The following AP3D1 variants were observed in gnomAD, a reference collection of about 807,000 sequenced individuals.
AP3D1 encodes AP-3 complex subunit delta-1.
In AP3D1, 51 loss-of-function variants were observed where a neutral mutation model predicts 147.6. The ratio of observed to expected loss-of-function variants is 0.35; its 90% confidence interval spans 0.28 to 0.44. The LOEUF (loss-of-function observed/expected upper bound fraction) is 0.44, where lower values mean the gene tolerates loss of function less well. AP3D1 is among the 20% of genes least tolerant of loss of function. The probability of loss-of-function intolerance (pLI) is 1.00; values close to 1 mark genes in which losing one functional copy is unlikely to be tolerated. For missense variants in AP3D1, 1,421 were observed against 1,624.2 expected, an observed-to-expected ratio of 0.87 and a Z score of 2.15; for synonymous variants, 760 against 663.0, an observed-to-expected ratio of 1.15 and a Z score of -2.25.
At position 2,110,716 on chromosome 19, in the gene AP3D1, G is replaced by A. The variant is rs1191868807; in HGVS notation, c.3166C>T (p.Leu1056=). ...VHDGVPVPFQ[L]PPGVSNEAQY... The stretch of plus-strand genomic sequence containing the variant: ...GTGGGGCAGGGCTCACCTGGGGGCA[G>A]CTGGAAAGGCACGGGGACGCCATCG... The change falls in exon 27 of 32, where the codon CTG becomes TTG. Residue 1056 remains leucine, a synonymous_variant. Transcript: ENST00000643116. The A allele has an allele frequency of 1.3e-6, 2 of 1,599,644 alleles. No individual in the cohort carries two copies. Among genetic ancestry groups the A allele is most frequent in the East Asian group, 4.5e-5 (2 of 44,156 alleles).
intron 1 of AP3D1, among the ~76,000 whole-genome samples, chr19:2,147,416 CTT>C (rs11285731): frequency 6.4e-4 from 78 of 122,688 alleles, no homozygotes; most frequent in Non-Finnish European, 8.7e-4. Context: ...CTTTTCCTTT[CTT>C]TTTTTTTTTT....
At chr19:2,111,978 C>A in intron 24 of AP3D1, 150 bp from the exon 25 acceptor site, 1 of 1,297,500 alleles carries the variant, frequency 7.7e-7, no homozygotes, top group South Asian at 1.4e-5. Context: ...TCAGGCCTAC[C>A]GGGACAAGCT....
intron 10 of AP3D1, among the ~76,000 whole-genome samples, chr19:2,123,609 C>T (rs575899550): frequency 4.6e-5 from 7 of 152,184 alleles, no homozygotes; most frequent in Admixed American, 3.3e-4. Context: ...CGCTCTCCCC[C>T]ACTCCTCAGT....
At chr19:2,136,896 A>C in intron 4 of AP3D1, 115 bp downstream of exon 4, 1 of 984,780 alleles carries the variant, frequency 1.0e-6, no homozygotes, top group Non-Finnish European at 1.5e-6. Flanking sequence ...CCCCGCTCGC[A>C]CTCAAGGGGG....
At chr19:2,135,947 G>A (rs916901504) in intron 4 of AP3D1, among the ~76,000 whole-genome samples, 1 of 148,184 alleles carries the variant, frequency 6.7e-6, no homozygotes, top group African/African-American at 2.5e-5. Context: ...CCAGACTCCC[G>A]CCCAGGCCCC....
At chr19:2,132,288 A>G (rs963805365) in intron 5 of AP3D1, among the ~76,000 whole-genome samples, 183 bp downstream of exon 5, 2 of 152,208 alleles carry the variant, frequency 1.3e-5, no homozygotes, top group East Asian at 3.8e-4. Flanking sequence ...TAAGACACGC[A>G]GGAACCAAAG....
intron 3 of AP3D1, 112 bp from the exon 4 acceptor site, chr19:2,137,203 T>G (rs981851234): frequency 2.2e-6 from 2 of 918,934 alleles, no homozygotes; most frequent in African/African-American, 3.3e-5. Flanking sequence ...AGCAACACCC[T>G]GCAGCCTGGA....
chr19:2,122,871 A>G (rs1241041468), intron 11 of AP3D1, among the ~76,000 whole-genome samples: 5 of 152,204 alleles, frequency 3.3e-5, no homozygotes, highest in Non-Finnish European at 7.3e-5. Flanking sequence ...CCCAGGTACA[A>G]GGTACCAGGC....
intron 9 of AP3D1, among the ~76,000 whole-genome samples, chr19:2,125,645 G>A (rs72983442): frequency 0.019 from 2,935 of 152,168 alleles, 53 homozygotes; most frequent in Non-Finnish European, 0.028. Context: ...TATAAAAGTA[G>A]ATGGTAATTT....
intron 1 of AP3D1, among the ~76,000 whole-genome samples, chr19:2,161,274 G>T (rs2019696038): frequency 6.8e-6 from 1 of 147,428 alleles, no homozygotes; most frequent in African/African-American, 2.5e-5. Context: ...CCATTCTGTT[G>T]CCTCAGCCTC....
chr19:2,125,621 G>C (rs1440149504), intron 9 of AP3D1, among the ~76,000 whole-genome samples: 1 of 152,028 alleles, frequency 6.6e-6, no homozygotes, highest in Admixed American at 6.6e-5. Context: ...GCCCGGCCAG[G>C]AGTGTTATGT....
In AP3D1 at chr19:2,115,440, C is replaced by G. The variant is rs2066764; in HGVS notation, c.2150-22G>C. The G allele has an allele frequency of 0.15, 243,897 of 1,608,158 alleles. 19,692 individuals are homozygous for G. Among genetic ancestry groups the G allele is most frequent in the Non-Finnish European group, 0.17 (195,841 of 1,179,166 alleles). On this transcript the variant is annotated intron_variant, in intron 19 of 31. Coordinates refer to ENST00000643116, the MANE Select transcript of AP3D1 (RefSeq NM_001261826.3). The stretch of plus-strand genomic sequence containing the variant: ...AGCCCTGCGGGCCGGCAGCGGGCAG[C>G]CACTCAGCACTGCACCCCAGGGGCT...
intron 31 of AP3D1, among the ~76,000 whole-genome samples, chr19:2,103,315 G>A (rs543440043): frequency 4.6e-5 from 7 of 152,258 alleles, no homozygotes; most frequent in East Asian, 3.9e-4. Flanking sequence ...AGTGGGAGCC[G>A]GCACCTGAGG....
In AP3D1 at chr19:2,137,165, C is replaced by T. The variant is rs893353056; in HGVS notation, c.274-74G>A. The T allele has an allele frequency of 6.5e-5, 87 of 1,334,696 alleles. No homozygotes were observed. The Admixed American group carries it at 9.3e-4, about 14-fold the overall frequency. The allele number at this position is 1,334,696 out of a possible 1,614,324, so 82.7% of individuals were successfully genotyped here. A position where few individuals can be genotyped will look rare whatever the true frequency, so the allele number is the denominator to read the frequency against. On this transcript the variant is annotated intron_variant, in intron 3 of 31. Coordinates refer to ENST00000643116, the MANE Select transcript of AP3D1 (RefSeq NM_001261826.3). Reference sequence around the variant, plus strand: ...CAGGAGCTCCAGCTCTGCTCTGCAGCGACCACACCAGGCAGCGCCAGCCCA... The same window carrying T: ...CAGGAGCTCCAGCTCTGCTCTGCAGTGACCACACCAGGCAGCGCCAGCCCA...
intron 1 of AP3D1, among the ~76,000 whole-genome samples, chr19:2,161,313 C>A (rs796503274): frequency 5.3e-5 from 8 of 152,002 alleles, no homozygotes; most frequent in African/African-American, 1.9e-4. Context: ...AGGTGCCTGC[C>A]ACCATGCCTG....
rs372236052 is a variant in AP3D1, at chr19:2,111,780, G to A, written c.2836C>T (p.Arg946Trp). 1.6e-4 allele frequency: 262 copies of A among 1,613,398 alleles called. 1 individual carries two copies. The African/African-American group carries it at 3.0e-3, about 18-fold the overall frequency. ...TTGGACTTCTTCTTGCCTTTGGTCC[G>A]CTCCTCCTTCTCCTTCCTGTGCTTC... ...KKKHRKEKEE[R>W]TKGKKKSKKQ... Residue 946 changes from arginine (R) to tryptophan (W), a missense_variant, in exon 25 of 32, where the codon CGG becomes TGG. Transcript: ENST00000643116.
intron 5 of AP3D1, 137 bp from the exon 6 acceptor site, chr19:2,130,674 C>T: frequency 7.4e-7 from 1 of 1,357,174 alleles, no homozygotes; most frequent in Non-Finnish European, 1.0e-6. Flanking sequence ...CCAGGGGCCA[C>T]AGACCAGCAT....
rs373495876 is a variant in AP3D1, at chr19:2,131,135, C to G, written c.463-598G>C. Among the ~76,000 whole-genome samples, 10 of 152,378 alleles carry G rather than the reference C, an allele frequency of 6.6e-5. No individual in the cohort carries two copies. In the East Asian group the frequency reaches 9.6e-4, roughly 15 times the overall value. ...CCTTCACAACCAAGGCCACCAGAGA[C>G]AACACAACACGTGAAAAGAAGGTGC... On this transcript the variant is annotated intron_variant, in intron 5 of 31. Transcript: ENST00000643116.
chr19:2,129,251 T>C (rs2018864890), intron 7 of AP3D1, 67 bp downstream of exon 7: 1 of 1,596,982 alleles, frequency 6.3e-7, no homozygotes, highest in Non-Finnish European at 8.6e-7. Context: ...CCGCAGGGAA[T>C]GCCCCACACA....
Sources: gnomAD v4.1 joint callset for allele counts (sites outside exome capture counted in the v4.1 genomes callset) on GRCh38, gnomAD v4.1.1 for gene constraint, MANE v1.5 for transcripts, NCBI Gene and HGNC (gene_info 2026-07-23, HGNC 2026-07-21) for gene names.